GABRG3: variants seen among roughly 807,000 people sequenced by gnomAD.
GABRG3 encodes gamma-aminobutyric acid receptor subunit gamma-3.
GABRG3 carries 25 observed loss-of-function variants against 48.8 expected under a neutral mutation model. The ratio of observed to expected loss-of-function variants is 0.51; its 90% CI spans 0.37 to 0.72. The LOEUF (loss-of-function observed/expected upper bound fraction) is 0.72, where lower values mean the gene tolerates loss of function less well. GABRG3 is among the 30% of genes least tolerant of loss of function. The pLI is 0.00. For missense variants in GABRG3, 394 were observed against 577.9 expected (o/e 0.68, Z 3.26); for synonymous variants, 227 against 217.6 (o/e 1.04, Z -0.38).
chr15:27,306,052 A>G (rs191423805), intron 3 of GABRG3, among the ~76,000 whole-genome samples: 4 of 94,480 alleles, frequency 4.2e-5, no homozygotes, highest in African/African-American at 2.0e-4. Context: ...TATATAATAT[A>G]AACCTATATG....
intron 3 of GABRG3, among the ~76,000 whole-genome samples, chr15:27,223,469 G>A (rs1889513606): frequency 6.6e-6 from 1 of 152,106 alleles, no homozygotes; most frequent in Middle Eastern, 3.4e-3. Flanking sequence ...AGACCAGAGG[G>A]TCAATTTCTA....
chr15:27,508,386 A>G (rs1004848510), intron 6 of GABRG3, among the ~76,000 whole-genome samples: 18 of 152,212 alleles, frequency 1.2e-4, no homozygotes, highest in African/African-American at 4.1e-4. Flanking sequence ...ATGTAGTATA[A>G]AAACCTTTTA....
chr15:27,087,774 G>C (rs1378038467), intron 3 of GABRG3, among the ~76,000 whole-genome samples: 1 of 150,608 alleles, frequency 6.6e-6, no homozygotes, highest in African/African-American at 2.5e-5. Context: ...GTGTGTATAT[G>C]TAGGCACATG....
At chr15:27,430,819 G>A (rs1485766938) in intron 5 of GABRG3, among the ~76,000 whole-genome samples, 7 of 151,822 alleles carry the variant, frequency 4.6e-5, no homozygotes, top group East Asian at 3.9e-4. Context: ...CCGAAACCCC[G>A]TCTCTACTAA....
In GABRG3 at chr15:27,180,793, C is replaced by G. The variant is rs1887905793; in HGVS notation, c.271-146016C>G. Among the ~76,000 whole-genome samples, 3 of 152,202 alleles carry G rather than the reference C, an allele frequency of 2.0e-5. No homozygotes were observed. Among genetic ancestry groups the G allele is most frequent in the Admixed American group, 1.3e-4 (2 of 15,272 alleles). ...ATCCACTGACTAATGCTCTTATCCA[C>G]TCACATTTTGTCACTATCAGCATAT... On this transcript the variant is annotated intron_variant, in intron 3 of 9. Coordinates refer to ENST00000615808, the MANE Select transcript of GABRG3 (RefSeq NM_033223.5). The surrounding 1 kb of genome is among the most constrained non-coding windows in gnomAD (Gnocchi z 4.2).
chr15:27,299,210 G>A (rs1467478719), intron 3 of GABRG3, among the ~76,000 whole-genome samples: 1 of 152,144 alleles, frequency 6.6e-6, no homozygotes, highest in Non-Finnish European at 1.5e-5. Context: ...CTTGAACCTA[G>A]GAGGCAATGG....
intron 3 of GABRG3, among the ~76,000 whole-genome samples, chr15:27,241,258 G>A (rs1186603547): frequency 1.3e-5 from 2 of 152,240 alleles, no homozygotes; most frequent in Non-Finnish European, 2.9e-5. Flanking sequence ...GTCAGTGTGA[G>A]TGTGAGGGAA....
rs541245621 is a variant in GABRG3 at position 27,162,536 on chromosome 15, C to G, written c.270+135715C>G. ...CTTTTTTGACTTGGTAGGTAGGGGCCAGATCGGGTGCAGTACCTGGCAGTA... is the reference window on the plus strand; with the variant it reads ...CTTTTTTGACTTGGTAGGTAGGGGCGAGATCGGGTGCAGTACCTGGCAGTA... On this transcript the variant is annotated intron_variant, in intron 3 of 9. Coordinates refer to ENST00000615808, the MANE Select transcript of GABRG3 (RefSeq NM_033223.5). 4.8e-4 allele frequency among the ~76,000 whole-genome samples: 73 copies of G among 152,164 alleles called. 1 individual carries two copies. Among genetic ancestry groups the G allele is most frequent in the Admixed American group, 7.2e-4 (11 of 15,282 alleles).
chr15:27,302,161 T>C (rs1892231826), intron 3 of GABRG3, among the ~76,000 whole-genome samples: 1 of 152,106 alleles, frequency 6.6e-6, no homozygotes, highest in Non-Finnish European at 1.5e-5. Context: ...ATACTGAAAT[T>C]CTTCAAAATA....
intron 3 of GABRG3, among the ~76,000 whole-genome samples, chr15:27,167,235 T>C (rs1216919456): frequency 6.6e-6 from 1 of 152,208 alleles, no homozygotes; most frequent in East Asian, 1.9e-4. Context: ...GGCCCCCTGA[T>C]TCTTTTCCTC....
intron 3 of GABRG3, among the ~76,000 whole-genome samples, chr15:27,256,238 C>T (rs375579013): frequency 4.6e-5 from 7 of 151,812 alleles, no homozygotes; most frequent in Non-Finnish European, 7.4e-5. Flanking sequence ...GTCAGGAGAT[C>T]AAGACCATCC....
intron 3 of GABRG3, among the ~76,000 whole-genome samples, chr15:27,307,085 TATAAACATATA>T (rs1892585018): frequency 7.8e-6 from 1 of 128,266 alleles, no homozygotes; most frequent in African/African-American, 3.3e-5. Context: ...CATGTTTATA[TATAAACATATA>T]ATATAAACAT....
chr15:27,085,034 C>T (rs1897053326), intron 3 of GABRG3, among the ~76,000 whole-genome samples: 1 of 152,212 alleles, frequency 6.6e-6, no homozygotes, highest in South Asian at 2.1e-4. Flanking sequence ...TGGCAGTATT[C>T]GTCAAGAAGC....
intron 2 of GABRG3, among the ~76,000 whole-genome samples, chr15:26,996,745 G>A (rs763892459): frequency 2.0e-5 from 3 of 152,014 alleles, no homozygotes; most frequent in Non-Finnish European, 2.9e-5. Context: ...CGCCTCCTGG[G>A]TTCATGCCAT....
intron 3 of GABRG3, among the ~76,000 whole-genome samples, chr15:27,122,737 G>T (rs915364666): frequency 6.6e-6 from 1 of 152,232 alleles, no homozygotes; most frequent in East Asian, 1.9e-4. Context: ...GTCAGTAGAT[G>T]CCTTGGTACG....
At chr15:27,211,181 G>T (rs1214412473) in intron 3 of GABRG3, among the ~76,000 whole-genome samples, 1 of 152,134 alleles carries the variant, frequency 6.6e-6, no homozygotes, top group Non-Finnish European at 1.5e-5. Context: ...CCCACCCAAG[G>T]CCCTCCAGGA....
intron 3 of GABRG3, among the ~76,000 whole-genome samples, chr15:27,308,089 CAT>C (rs1204602537): frequency 3.1e-5 from 4 of 129,992 alleles, no homozygotes; most frequent in South Asian, 2.4e-4. Flanking sequence ...TACATCCAAA[CAT>C]ATATAAACAT....
intron 6 of GABRG3, among the ~76,000 whole-genome samples, chr15:27,517,009 C>G (rs778120069): frequency 6.6e-6 from 1 of 152,218 alleles, no homozygotes; most frequent in Non-Finnish European, 1.5e-5. Context: ...CAGCATCGTG[C>G]ACACCTCCAG....
intron 3 of GABRG3, among the ~76,000 whole-genome samples, chr15:27,315,710 G>C (rs527935832): frequency 6.6e-6 from 1 of 152,078 alleles, no homozygotes; most frequent in East Asian, 1.9e-4. Flanking sequence ...AAATAATTTT[G>C]GTAACACCAT....
Sources: allele counts gnomAD v4.1 joint callset (sites outside exome capture counted in the v4.1 genomes callset), GRCh38; gene constraint gnomAD v4.1.1; non-coding constraint Gnocchi (gnomAD v3.1); transcripts MANE v1.5; gene names NCBI Gene and HGNC (gene_info 2026-07-23, HGNC 2026-07-21).